PHF21B: variants seen among roughly 807,000 people sequenced by gnomAD.
PHF21B encodes the protein PHD finger protein 4.
PHF21B carries 22 observed loss-of-function variants against 62.2 expected under a neutral mutation model. That is an observed-to-expected ratio of 0.35 (90% CI 0.25 to 0.51). PHF21B has a LOEUF of 0.51. Among genes scored for constraint, PHF21B ranks in the 20% least tolerant of loss-of-function variants. The pLI, the probability that PHF21B is intolerant of heterozygous loss-of-function variation, is 0.97. For missense variants in PHF21B, 701 were observed against 707.9 expected (o/e 0.99, Z 0.11); for synonymous variants, 341 against 314.7 (o/e 1.08, Z -0.88).
intron 2 of PHF21B, among the ~76,000 whole-genome samples, chr22:44,933,110 TATTTC>T (rs911659156): frequency 4.6e-5 from 6 of 130,258 alleles, no homozygotes; most frequent in Non-Finnish European, 8.1e-5. Flanking sequence ...AGGTCTCTTC[TATTTC>T]TTTTTTTTTT....
At chr22:44,945,190 T>C (rs768046858) in intron 2 of PHF21B, among the ~76,000 whole-genome samples, 1 of 152,220 alleles carries the variant, frequency 6.6e-6, no homozygotes, top group Non-Finnish European at 1.5e-5. Context: ...CCTGAAGACC[T>C]GGCTCAGGTG....
chr22:44,897,831 C>CA (rs1332013800), intron 5 of PHF21B, among the ~76,000 whole-genome samples: 1 of 152,084 alleles, frequency 6.6e-6, no homozygotes, highest in Non-Finnish European at 1.5e-5. Context: ...TTTTTAGAGA[C>CA]AGAGTCTCAC....
rs2073382420 is a variant in PHF21B at position 45,009,278 on chromosome 22, C to T, written c.54+218G>A. 1 of 562,680 alleles carries T rather than the reference C, an allele frequency of 1.8e-6. No individual in the cohort carries two copies. The highest frequency in any genetic ancestry group is 3.4e-5 in the East Asian group (1 of 29,212). The allele number at this position is 562,680 out of a possible 1,614,324, so 34.9% of individuals were successfully genotyped here. A position where few individuals can be genotyped will look rare whatever the true frequency, so the allele number is the denominator to read the frequency against. Reference sequence around the variant, plus strand: ...ACTCCAGGCTCGGGTCCCACGCGTCCTCGATCCCGCAAACTGTGCAGGACA... The same window carrying T: ...ACTCCAGGCTCGGGTCCCACGCGTCTTCGATCCCGCAAACTGTGCAGGACA... On this transcript the variant is annotated intron_variant, in intron 1 of 12. Transcript: ENST00000313237. The surrounding 1 kb of genome is among the most constrained non-coding windows in gnomAD (Gnocchi z 5.9).
Position 44,985,832 on chromosome 22 carries a change from C to T in PHF21B, c.120+22713G>A, listed in dbSNP as rs1456694813. On this transcript the variant is annotated intron_variant, in intron 2 of 12. Coordinates refer to ENST00000313237, the MANE Select transcript of PHF21B (RefSeq NM_138415.5). ...CCATCACCATCACCATCACCATGGG[C>T]ACCACCGCCACTACCATCACAATGA... 2.6e-5 allele frequency among the ~76,000 whole-genome samples: 4 copies of T among 152,018 alleles called. No homozygotes were observed. In the East Asian group the frequency reaches 7.7e-4, roughly 29 times the overall value.
At chr22:45,005,008 G>A (rs1467455701) in intron 2 of PHF21B, among the ~76,000 whole-genome samples, 1 of 152,246 alleles carries the variant, frequency 6.6e-6, no homozygotes, top group Non-Finnish European at 1.5e-5. Flanking sequence ...CCTGCATGAA[G>A]TTCAGGTCTG....
At chr22:44,959,318 A>C (rs2350226) in intron 2 of PHF21B, among the ~76,000 whole-genome samples, 120,906 of 152,172 alleles carry the variant, frequency 0.79, 48,195 homozygotes, top group East Asian at 0.89. Flanking sequence ...CCACTTTGTG[A>C]TTCACGCCTT....
At chr22:44,929,386 G>A (rs1028002833) in intron 2 of PHF21B, among the ~76,000 whole-genome samples, 4 of 152,188 alleles carry the variant, frequency 2.6e-5, no homozygotes, top group African/African-American at 9.7e-5. Context: ...GCCTTCATGA[G>A]CCCCAAGCTC....
intron 2 of PHF21B, among the ~76,000 whole-genome samples, chr22:44,925,182 A>G (rs1033970129): frequency 6.6e-6 from 1 of 152,248 alleles, no homozygotes; most frequent in Non-Finnish European, 1.5e-5. Context: ...CGACACCAGG[A>G]CATTTTCAGG....
At chr22:44,937,925 C>T (rs78309537) in intron 2 of PHF21B, among the ~76,000 whole-genome samples, 10,790 of 152,342 alleles carry the variant, frequency 0.071, 396 homozygotes, top group Middle Eastern at 0.14. Flanking sequence ...CGGGACGCAT[C>T]GCGCAGGTGC....
At chr22:44,951,860 A>G (rs928043421) in intron 2 of PHF21B, among the ~76,000 whole-genome samples, 1 of 152,162 alleles carries the variant, frequency 6.6e-6, no homozygotes, top group Non-Finnish European at 1.5e-5. Flanking sequence ...AGCTTTGTGC[A>G]TTTCCCATCT....
chr22:44,984,640 C>T (rs972100402), intron 2 of PHF21B, among the ~76,000 whole-genome samples: 4 of 152,200 alleles, frequency 2.6e-5, no homozygotes, highest in Non-Finnish European at 4.4e-5. Context: ...AATGAAAGTG[C>T]GTGACATACA....
chr22:44,934,193 C>T (rs1020620841), intron 2 of PHF21B, among the ~76,000 whole-genome samples: 11 of 152,134 alleles, frequency 7.2e-5, no homozygotes, highest in Non-Finnish European at 7.4e-5. Flanking sequence ...AGAGTCCCAT[C>T]GGCCACTTCC....
At chr22:44,974,422 A>C (rs551046279) in intron 2 of PHF21B, among the ~76,000 whole-genome samples, 1 of 152,100 alleles carries the variant, frequency 6.6e-6, no homozygotes, top group Admixed American at 6.5e-5. Context: ...AAAAAAAAAA[A>C]AAAATGCATA....
At chr22:44,976,974 C>T (rs2072748647) in intron 2 of PHF21B, among the ~76,000 whole-genome samples, 1 of 151,904 alleles carries the variant, frequency 6.6e-6, no homozygotes, top group Admixed American at 6.6e-5. Flanking sequence ...CCTGTGTCTA[C>T]AAAAGATGCA....
chr22:44,914,183 C>T (rs911360426), intron 4 of PHF21B, 95 bp from the exon 5 acceptor site: 3 of 590,824 alleles, frequency 5.1e-6, no homozygotes, highest in Non-Finnish European at 9.1e-6. Context: ...TTGGGGAGCA[C>T]AGAGCCTGGG....
chr22:44,919,354 A>G (rs537622585), intron 3 of PHF21B, among the ~76,000 whole-genome samples: 1 of 152,332 alleles, frequency 6.6e-6, no homozygotes, highest in South Asian at 2.1e-4. Flanking sequence ...TTAAAACAGT[A>G]CGAGAGTTTT....
At chr22:44,949,059 T>C (rs1207576841) in intron 2 of PHF21B, among the ~76,000 whole-genome samples, 1 of 152,006 alleles carries the variant, frequency 6.6e-6, no homozygotes, top group African/African-American at 2.4e-5. Context: ...TCCCAGCACT[T>C]TGGGAGGTGG....
At chr22:44,949,325 A>AG (rs2072147567) in intron 2 of PHF21B, among the ~76,000 whole-genome samples, 1 of 151,010 alleles carries the variant, frequency 6.6e-6, no homozygotes, top group Non-Finnish European at 1.5e-5. Context: ...AAAAAAAAAA[A>AG]GAAAAAAGAG....
intron 5 of PHF21B, chr22:44,901,667 G>T: frequency 1.9e-6 from 1 of 523,936 alleles, no homozygotes; most frequent in Non-Finnish European, 3.0e-6. Flanking sequence ...GTGAAAAGGG[G>T]GAACCTCAAA....
Sources: allele counts gnomAD v4.1 joint callset (sites outside exome capture counted in the v4.1 genomes callset), GRCh38; gene constraint gnomAD v4.1.1; non-coding constraint Gnocchi (gnomAD v3.1); transcripts MANE v1.5; gene names NCBI Gene and HGNC (gene_info 2026-07-23, HGNC 2026-07-21).